DLG2: variants seen among roughly 807,000 people sequenced by gnomAD.
DLG2 encodes discs large MAGUK scaffold protein 2, also known as disks large homolog 2.
In DLG2, 45 loss-of-function variants were observed where a neutral mutation model predicts 132.5. The observed-to-expected ratio is 0.34, with a 90% CI of 0.27 to 0.44. DLG2 has a LOEUF of 0.44. DLG2 is among the 20% of genes least tolerant of loss of function. The pLI is 1.00. For synonymous variants in DLG2, 424 were observed against 419.6 expected, an observed-to-expected ratio of 1.01 and a Z score of -0.13; for missense variants, 1,045 against 1,196.9, an observed-to-expected ratio of 0.87 and a Z score of 1.87.
At chr11:85,349,166 G>A (rs914721509) in intron 3 of DLG2, among the ~76,000 whole-genome samples, 1 of 152,036 alleles carries the variant, frequency 6.6e-6, no homozygotes, top group East Asian at 1.9e-4. Context: ...AACTCTAACT[G>A]AGCAGACTGT....
At chr11:85,052,856 C>G (rs2063033046) in intron 6 of DLG2, among the ~76,000 whole-genome samples, 1 of 152,156 alleles carries the variant, frequency 6.6e-6, no homozygotes, top group East Asian at 1.9e-4. Flanking sequence ...GGAAATTCTT[C>G]AGACCCTCCT....
At chr11:84,554,501 C>T (rs2099408024) in intron 6 of DLG2, among the ~76,000 whole-genome samples, 1 of 152,056 alleles carries the variant, frequency 6.6e-6, no homozygotes. Context: ...AATCCCAGCA[C>T]TTTGGGAGGC....
At chr11:84,650,873 G>GTGTGTGTGTATATATATA (rs1424393386) in intron 6 of DLG2, among the ~76,000 whole-genome samples, 9 of 124,006 alleles carry the variant, frequency 7.3e-5, no homozygotes, top group African/African-American at 2.5e-4. Context: ...GTGTGTGTGT[G>GTGTGTGTGTATATATATA]TATATATATA....
chr11:84,303,609 C>G (rs992811385), intron 7 of DLG2, among the ~76,000 whole-genome samples: 10 of 152,208 alleles, frequency 6.6e-5, no homozygotes, highest in African/African-American at 2.4e-4. Flanking sequence ...GATTTCCTCT[C>G]AAACTATAGT....
intron 6 of DLG2, among the ~76,000 whole-genome samples, chr11:84,932,833 T>G (rs2048262964): frequency 6.6e-6 from 1 of 152,196 alleles, no homozygotes; most frequent in African/African-American, 2.4e-5. Context: ...TGTGTGCATG[T>G]GTCTTTATAG....
intron 6 of DLG2, among the ~76,000 whole-genome samples, chr11:84,819,752 G>C (rs1171060462): frequency 1.3e-5 from 2 of 151,882 alleles, no homozygotes; most frequent in Non-Finnish European, 2.9e-5. Context: ...CCCAGATTTA[G>C]CCAAATGGCT....
At chr11:83,602,375 C>T (rs143743672) in intron 19 of DLG2, among the ~76,000 whole-genome samples, 57 of 152,260 alleles carry the variant, frequency 3.7e-4, no homozygotes, top group African/African-American at 9.9e-4. Flanking sequence ...AGCACCATGC[C>T]GGCAGTGGAT....
chr11:84,049,451 G>A (rs1363163035), intron 11 of DLG2, among the ~76,000 whole-genome samples: 4 of 151,662 alleles, frequency 2.6e-5, no homozygotes, highest in African/African-American at 4.8e-5. Flanking sequence ...CGGACTCTTC[G>A]CAGTTGAAAA....
rs1043609628 is a variant in DLG2, at chr11:83,458,663, T to C, written c.*1155A>G. On this transcript the variant is annotated 3_prime_UTR_variant, in exon 28 of 28. Transcript: ENST00000376104. ...AAATGCTAAATGGTCCTTTAAGAAT[T>C]GTATGTCAGTAACTAGGAACAAAGT... 2.2e-4 allele frequency: 33 copies of C among 152,240 alleles called. No individual in the cohort carries two copies. Among genetic ancestry groups the C allele is most frequent in the Non-Finnish European group, 8.8e-5 (6 of 68,044 alleles). 9.4% of individuals were successfully genotyped at this position (152,240 alleles called of 1,614,324 possible).
rs116588210 is a variant in DLG2 at position 85,264,897 on chromosome 11, C to T, written c.186+20323G>A. On this transcript the variant is annotated intron_variant, in intron 4 of 27. Coordinates refer to ENST00000376104, the MANE Select transcript of DLG2 (RefSeq NM_001142699.3). ...TCCAAGGAGTTCATACTATCTAAAT[C>T]CTTAGAGATTACGTAAGGTTCTTAT... Among the ~76,000 whole-genome samples the T allele has an allele frequency of 2.9e-3, 435 of 152,276 alleles. 2 individuals carry two copies. The highest frequency in any genetic ancestry group is 0.01 in the African/African-American group (419 of 41,556).
At chr11:84,744,630 A>C (rs912345254) in intron 6 of DLG2, among the ~76,000 whole-genome samples, 5 of 152,224 alleles carry the variant, frequency 3.3e-5, no homozygotes, top group Admixed American at 6.5e-5. Flanking sequence ...TGAAAAATGC[A>C]GAAGCAAAGT....
chr11:84,845,131 A>G (rs2081293649), intron 6 of DLG2, among the ~76,000 whole-genome samples: 2 of 152,154 alleles, frequency 1.3e-5, no homozygotes, highest in Admixed American at 1.3e-4. Context: ...CAACTGTGTG[A>G]CAGAATATCT....
At chr11:83,874,996 T>C (rs920766788) in intron 15 of DLG2, among the ~76,000 whole-genome samples, 1 of 152,188 alleles carries the variant, frequency 6.6e-6, no homozygotes, top group Non-Finnish European at 1.5e-5. Flanking sequence ...TGATGCAATG[T>C]ATTTTTTAAG....
At chr11:84,354,810 T>C (rs1200257771) in intron 7 of DLG2, among the ~76,000 whole-genome samples, 6 of 152,156 alleles carry the variant, frequency 3.9e-5, no homozygotes, top group Admixed American at 2.6e-4. Flanking sequence ...CAATACTTCA[T>C]GTGAAAAGTT....
At chr11:83,852,135 C>G (rs964044015) in intron 16 of DLG2, among the ~76,000 whole-genome samples, 3 of 152,136 alleles carry the variant, frequency 2.0e-5, no homozygotes, top group African/African-American at 7.2e-5. Flanking sequence ...TGGACTCTAG[C>G]CTCCAGAACT....
At chr11:84,319,242 T>C (rs1433188865) in intron 7 of DLG2, among the ~76,000 whole-genome samples, 3 of 151,814 alleles carry the variant, frequency 2.0e-5, no homozygotes, top group Non-Finnish European at 4.4e-5. Context: ...TTTAGATCAA[T>C]AGATTATACC....
intron 6 of DLG2, among the ~76,000 whole-genome samples, chr11:84,973,461 A>C (rs556185743): frequency 6.6e-6 from 1 of 152,238 alleles, no homozygotes; most frequent in African/African-American, 2.4e-5. Context: ...AGATGCACTC[A>C]TGTCTGTCAA....
chr11:84,269,305 T>G, intron 7 of DLG2, among the ~76,000 whole-genome samples: 1 of 152,242 alleles, frequency 6.6e-6, no homozygotes, highest in East Asian at 1.9e-4. Flanking sequence ...AGGTATTTAA[T>G]AAGCATTCAT....
intron 10 of DLG2, among the ~76,000 whole-genome samples, chr11:84,062,626 A>C (rs544298254): frequency 6.6e-6 from 1 of 152,346 alleles, no homozygotes; most frequent in South Asian, 2.1e-4. Flanking sequence ...AATTTTACTG[A>C]CAAGGTCAAA....
Sources: gnomAD v4.1 joint callset for allele counts (sites outside exome capture counted in the v4.1 genomes callset) on GRCh38, gnomAD v4.1.1 for gene constraint, MANE v1.5 for transcripts, NCBI Gene and HGNC (gene_info 2026-07-23, HGNC 2026-07-21) for gene names.